CAST: variants seen among roughly 807,000 people sequenced by gnomAD.
CAST encodes calpastatin, also known as MIR583 host.
Under a neutral mutation model 119.6 loss-of-function variants are expected in CAST, and 76 were observed. The ratio of observed to expected loss-of-function variants is 0.64; its 90% CI spans 0.53 to 0.77. The LOEUF is 0.77. Ranked by LOEUF, CAST falls within the 30% of genes least tolerant of loss-of-function variation. The pLI is 0.00. For synonymous variants in CAST, 319 were observed against 331.6 expected, an observed-to-expected ratio of 0.96 and a Z score of 0.41; for missense variants, 953 against 946.5, an observed-to-expected ratio of 1.01 and a Z score of -0.09.
In CAST at chr5:96,663,764, C is replaced by G. The variant is rs1346102536; in HGVS notation, c.75+1267C>G. The stretch of plus-strand genomic sequence containing the variant: ...AGTGAGAGAGGGAGGGAGAGAGAGA[C>G]AGCGCGCACAAAAGCGAGCTTCTCT... On this transcript the variant is annotated intron_variant, in intron 1 of 31. Transcript: ENST00000675179. 2.0e-5 allele frequency among the ~76,000 whole-genome samples: 3 copies of G among 152,038 alleles called. No individual in the cohort carries two copies. The East Asian group carries it at 5.8e-4, about 29-fold the overall frequency.
the CAST span, among the ~76,000 whole-genome samples, chr5:96,008,028 A>C: frequency 6.6e-6 from 1 of 152,072 alleles, no homozygotes; most frequent in Admixed American, 6.6e-5. Flanking sequence ...GTGGCTGTCT[A>C]CAAGCCAGAA....
the CAST span, among the ~76,000 whole-genome samples, chr5:96,053,493 C>T: frequency 6.6e-6 from 1 of 152,084 alleles, no homozygotes; most frequent in East Asian, 1.9e-4. Context: ...TTACAGATAT[C>T]CTGGTGCAAG....
chr5:95,983,218 TGA>T, the CAST span, among the ~76,000 whole-genome samples: 5 of 152,264 alleles, frequency 3.3e-5, no homozygotes, highest in African/African-American at 4.8e-5. Flanking sequence ...TGGAAACCTC[TGA>T]GAGAGAGGGT....
At chr5:96,199,007 A>G in the CAST span, among the ~76,000 whole-genome samples, 1 of 152,192 alleles carries the variant, frequency 6.6e-6, no homozygotes, top group African/African-American at 2.4e-5. Flanking sequence ...GTGAAGGTTT[A>G]AAGAAAAACC....
At chr5:96,033,922 C>T in the CAST span, among the ~76,000 whole-genome samples, 2 of 152,056 alleles carry the variant, frequency 1.3e-5, no homozygotes, top group African/African-American at 4.8e-5. Flanking sequence ...GGTTACTATC[C>T]AAAATAAAGA....
chr5:96,180,857 A>T, the CAST span, among the ~76,000 whole-genome samples: 1 of 152,220 alleles, frequency 6.6e-6, no homozygotes, highest in Non-Finnish European at 1.5e-5. Flanking sequence ...GAGCAAATAC[A>T]CTTCCCTGAT....
chr5:96,362,935 T>C, the CAST span, among the ~76,000 whole-genome samples: 1 of 152,204 alleles, frequency 6.6e-6, no homozygotes, highest in African/African-American at 2.4e-5. Context: ...ATGGTATTGC[T>C]AAGGTTTTCT....
chr5:96,529,201 T>G (rs1745646600), upstream of CAST, among the ~76,000 whole-genome samples: 1 of 152,198 alleles, frequency 6.6e-6, no homozygotes, highest in African/African-American at 2.4e-5. Flanking sequence ...CCTTGTTAAT[T>G]TCATCAAGTT....
At chr5:96,333,737 T>G in the CAST span, among the ~76,000 whole-genome samples, 1 of 152,154 alleles carries the variant, frequency 6.6e-6, no homozygotes. Context: ...GCACAGTGAT[T>G]GCTCAGGGAG....
the CAST span, among the ~76,000 whole-genome samples, chr5:96,035,194 GTA>G: frequency 1.7e-5 from 2 of 115,822 alleles, no homozygotes; most frequent in African/African-American, 6.5e-5. Context: ...TATAAAATAA[GTA>G]TATATAAAAA....
chr5:96,229,407 T>C, the CAST span, among the ~76,000 whole-genome samples: 2 of 151,936 alleles, frequency 1.3e-5, 1 homozygote, highest in African/African-American at 4.8e-5. Context: ...CACAGTACAA[T>C]GACTTAGTTT....
chr5:96,002,530 C>T, the CAST span, among the ~76,000 whole-genome samples: 7,040 of 152,142 alleles, frequency 0.046, 401 homozygotes, highest in African/African-American at 0.14. Flanking sequence ...TATCTGGGTA[C>T]CCGGTCCAGC....
At chr5:96,161,954 T>A in the CAST span, among the ~76,000 whole-genome samples, 9 of 152,352 alleles carry the variant, frequency 5.9e-5, no homozygotes, top group East Asian at 1.7e-3. Flanking sequence ...GATTTTTGTG[T>A]ATTGATATTA....
the CAST span, among the ~76,000 whole-genome samples, chr5:96,477,731 C>T: frequency 6.6e-6 from 1 of 152,180 alleles, no homozygotes; most frequent in Admixed American, 6.5e-5. Flanking sequence ...TCTCACCAAT[C>T]TGACTTAATT....
chr5:96,132,421 A>G, the CAST span, among the ~76,000 whole-genome samples: 1 of 152,092 alleles, frequency 6.6e-6, no homozygotes, highest in Non-Finnish European at 1.5e-5. Context: ...AATATTTCAA[A>G]TCTTTTCTTC....
At chr5:96,082,293 A>G in the CAST span, among the ~76,000 whole-genome samples, 2 of 152,208 alleles carry the variant, frequency 1.3e-5, no homozygotes, top group Non-Finnish European at 2.9e-5. Flanking sequence ...AAATGAGTAA[A>G]TGGACATTTA....
At chr5:96,035,501 G>A in the CAST span, among the ~76,000 whole-genome samples, 1 of 151,852 alleles carries the variant, frequency 6.6e-6, no homozygotes, top group African/African-American at 2.4e-5. Context: ...GGATGGAGCT[G>A]GGAATCTGTA....
intron 1 of CAST, among the ~76,000 whole-genome samples, chr5:96,582,530 G>A (rs1746787963): frequency 1.3e-5 from 2 of 152,318 alleles, no homozygotes; most frequent in African/African-American, 2.4e-5. Flanking sequence ...AAGATCGATG[G>A]AGCCTGACGC....
the CAST span, among the ~76,000 whole-genome samples, chr5:96,147,461 G>C: frequency 6.6e-6 from 1 of 152,146 alleles, no homozygotes; most frequent in East Asian, 1.9e-4. Flanking sequence ...AAATTAGCTG[G>C]TCTTGGTGGC....
Sources: allele counts gnomAD v4.1 joint callset (sites outside exome capture counted in the v4.1 genomes callset), GRCh38; gene constraint gnomAD v4.1.1; transcripts MANE v1.5; gene names NCBI Gene and HGNC (gene_info 2026-07-23, HGNC 2026-07-21).